The following TNFRSF19 variants were observed in gnomAD, a reference collection of about 807,000 sequenced individuals.
TNFRSF19 encodes the protein TNF receptor superfamily member 19.
Under a neutral mutation model 46.4 loss-of-function variants are expected in TNFRSF19, and 27 were observed. The observed-to-expected ratio is 0.58, with a 90% CI of 0.43 to 0.80. The LOEUF (loss-of-function observed/expected upper bound fraction) is 0.80. Among genes scored for constraint, TNFRSF19 ranks in the 30% least tolerant of loss-of-function variants. TNFRSF19 has a pLI of 0.00. For missense variants in TNFRSF19, 511 were observed against 530.8 expected (o/e 0.96, Z 0.37); for synonymous variants, 204 against 205.0 (o/e 1.00, Z 0.04).
In TNFRSF19 at chr13:23,626,706, G is replaced by A; in HGVS notation, c.360-1G>A. 1.2e-6 allele frequency: 2 copies of A among 1,614,008 alleles called. No homozygotes were observed. The highest frequency in any genetic ancestry group is 1.7e-6 in the Non-Finnish European group (2 of 1,179,920). On this transcript the variant is annotated splice_acceptor_variant, in intron 4 of 9. Transcript: ENST00000248484. LOFTEE classifies it high-confidence loss of function. ...AAGGAGTATTTTCCTTTCTCTTCTA[G>A]ATTTTATAGGAAGACGAAACTTGTC...
chr13:23,664,728 T>C (rs1000964784), intron 7 of TNFRSF19, among the ~76,000 whole-genome samples: 14 of 152,224 alleles, frequency 9.2e-5, no homozygotes, highest in Admixed American at 8.5e-4. Flanking sequence ...ATTGCTTCTA[T>C]GCAAACCTTG....
rs144401986 is a variant in TNFRSF19, at chr13:23,594,576, A to G, written c.180+1121A>G. Among the ~76,000 whole-genome samples the G allele has an allele frequency of 3.8e-3, 579 of 152,322 alleles. 6 individuals are homozygous for G. The highest frequency in any genetic ancestry group is 0.013 in the African/African-American group (546 of 41,584). On this transcript the variant is annotated intron_variant, in intron 3 of 9. Transcript: ENST00000248484. ...TAGATTCCTCCTCTCTGGGGAGGGC[A>G]TCCCTGAAAGAAAGGGAAAGAAAGG...
intron 3 of TNFRSF19, among the ~76,000 whole-genome samples, chr13:23,602,870 G>C (rs1207701064): frequency 2.6e-5 from 4 of 151,980 alleles, no homozygotes; most frequent in Admixed American, 6.6e-5. Context: ...CAGTGCTCAG[G>C]GGGTACTGAA....
At chr13:23,607,381 C>T (rs1470603454) in intron 3 of TNFRSF19, among the ~76,000 whole-genome samples, 7 of 151,622 alleles carry the variant, frequency 4.6e-5, no homozygotes, top group African/African-American at 1.5e-4. Context: ...TGTGGTGAGC[C>T]GAGATTGCAC....
chr13:23,673,485 C>A lies in TNFRSF19; in HGVS notation c.*105C>A. 2.1e-6 allele frequency: 3 copies of A among 1,414,256 alleles called. No individual in the cohort carries two copies. The highest frequency in any genetic ancestry group is 2.8e-6 in the Non-Finnish European group (3 of 1,072,536). 87.6% of individuals were successfully genotyped at this position (1,414,256 alleles called of 1,614,324 possible). A position where few individuals can be genotyped will look rare whatever the true frequency, so the allele number is the denominator to read the frequency against. On this transcript the variant is annotated 3_prime_UTR_variant, in exon 10 of 10. Transcript: ENST00000248484. The stretch of plus-strand genomic sequence containing the variant: ...TCTGGACCTTGCATGGCTTCTGGGG[C>A]AAAAATAAATCTGAACCAAACTGAC...
At chr13:23,642,085 T>C (rs541198666) in intron 5 of TNFRSF19, among the ~76,000 whole-genome samples, 2 of 152,292 alleles carry the variant, frequency 1.3e-5, no homozygotes, top group South Asian at 4.1e-4. Flanking sequence ...CCATCATAAG[T>C]TGAGGATTAT....
chr13:23,631,055 C>T (rs1347557055), intron 5 of TNFRSF19, among the ~76,000 whole-genome samples: 1 of 151,772 alleles, frequency 6.6e-6, no homozygotes, highest in Admixed American at 6.6e-5. Flanking sequence ...TAGAAGACAG[C>T]AAGCAGTTGT....
At chr13:23,668,553 A>G in intron 8 of TNFRSF19, 139 bp from the exon 9 acceptor site, 2 of 1,035,682 alleles carry the variant, frequency 1.9e-6, no homozygotes, top group Non-Finnish European at 2.7e-6. Flanking sequence ...ATGAGTTTAT[A>G]ACAATAGGAA....
At chr13:23,627,979 G>A (rs954717989) in intron 5 of TNFRSF19, among the ~76,000 whole-genome samples, 14 of 152,074 alleles carry the variant, frequency 9.2e-5, no homozygotes, top group South Asian at 6.2e-4. Flanking sequence ...TTTATAATAG[G>A]TAAACATTCA....
rs1018457781 is a variant in TNFRSF19, at chr13:23,676,078, T to C, written c.*2698T>C. 2.0e-5 allele frequency: 3 copies of C among 152,244 alleles called. No individual in the cohort carries two copies. The highest frequency in any genetic ancestry group is 4.8e-5 in the African/African-American group (2 of 41,462). The allele number at this position is 152,244 out of a possible 1,614,324, so 9.4% of individuals were successfully genotyped here. On this transcript the variant is annotated 3_prime_UTR_variant, in exon 10 of 10. Transcript: ENST00000248484. ...CCTTTTTTATTTGTGAATAAAATTA[T>C]CACCTGGTATTCTTATTTATGTGTT... is the stretch of plus-strand genomic sequence containing the variant.
chr13:23,594,199 C>G lies in TNFRSF19; in HGVS notation c.180+744C>G, dbSNP rs149960038. On this transcript the variant is annotated intron_variant, in intron 3 of 9. Transcript: ENST00000248484. ...GCTGTTTGGGCAGACACTGAGCTAG[C>G]TGCAGGAGTTTTTTTTTCATACCCT... The G allele has an allele frequency of 9.2e-4, 416 of 451,286 alleles. 1 individual carries two copies. The highest frequency in any genetic ancestry group is 7.9e-3 in the African/African-American group (396 of 50,008). The allele number at this position is 451,286 out of a possible 1,614,324, so 28.0% of individuals were successfully genotyped here.
In TNFRSF19 at chr13:23,668,994, C is replaced by T. The variant is rs369698575; in HGVS notation, c.1142C>T (p.Thr381Ile). The T allele has an allele frequency of 1.5e-4, 241 of 1,614,118 alleles. No individual in the cohort carries two copies. Among genetic ancestry groups the T allele is most frequent in the Middle Eastern group, 3.3e-4 (2 of 6,084 alleles). ...ACTGATTTATCTAGATATAACAACACACTGGTAGAATCAGCATCAACTCAG... is the reference window on the plus strand; with the variant it reads ...ACTGATTTATCTAGATATAACAACATACTGGTAGAATCAGCATCAACTCAG... ...AATDLSRYNNTLVESASTQDA... is the reference protein window; with the variant it reads ...AATDLSRYNNILVESASTQDA... Residue 381 changes from threonine (T) to isoleucine (I), a missense_variant, in exon 9 of 10, where the codon ACA (threonine) becomes ATA (isoleucine). Thr to Ile is a moderately conservative substitution (Grantham distance 89). Coordinates refer to ENST00000248484, the MANE Select transcript of TNFRSF19 (RefSeq NM_148957.4).
At chr13:23,636,509 G>A (rs1449967203) in intron 5 of TNFRSF19, among the ~76,000 whole-genome samples, 1 of 152,198 alleles carries the variant, frequency 6.6e-6, no homozygotes. Flanking sequence ...TATCACTGAT[G>A]AGGACACTGG....
chr13:23,615,523 C>T (rs1460166429), intron 3 of TNFRSF19, among the ~76,000 whole-genome samples: 1 of 152,174 alleles, frequency 6.6e-6, no homozygotes, highest in African/African-American at 2.4e-5. Flanking sequence ...GTTTCCCTGG[C>T]GTTAGCTTCT....
chr13:23,649,218 C>T (rs1207712897), intron 5 of TNFRSF19, among the ~76,000 whole-genome samples: 1 of 152,094 alleles, frequency 6.6e-6, no homozygotes, highest in African/African-American at 2.4e-5. Context: ...TTTTCTTTTT[C>T]AGGAAGTATT....
At chr13:23,664,769 C>A (rs1382438811) in intron 7 of TNFRSF19, among the ~76,000 whole-genome samples, 3 of 152,182 alleles carry the variant, frequency 2.0e-5, no homozygotes, top group Admixed American at 6.5e-5. Context: ...ATGGGATAGC[C>A]TACTACAGAG....
At chr13:23,651,902 A>G (rs1883674446) in intron 5 of TNFRSF19, among the ~76,000 whole-genome samples, 1 of 148,780 alleles carries the variant, frequency 6.7e-6, no homozygotes, top group Non-Finnish European at 1.5e-5. Flanking sequence ...CTAAAAAAAA[A>G]AAAAAAAAAA....
At chr13:23,645,158 A>T (rs1045857314) in intron 5 of TNFRSF19, among the ~76,000 whole-genome samples, 3 of 152,226 alleles carry the variant, frequency 2.0e-5, no homozygotes, top group Non-Finnish European at 2.9e-5. Context: ...CAGAATGTAC[A>T]AACTTGCTTT....
intron 1 of TNFRSF19, among the ~76,000 whole-genome samples, chr13:23,580,466 A>G (rs555149449): frequency 3.3e-5 from 5 of 152,248 alleles, no homozygotes; most frequent in Non-Finnish European, 5.9e-5. Flanking sequence ...CATGCAAACG[A>G]TATTTCTTAG....
Sources: allele counts gnomAD v4.1 joint callset (sites outside exome capture counted in the v4.1 genomes callset), GRCh38; gene constraint gnomAD v4.1.1; transcripts MANE v1.5; gene names NCBI Gene and HGNC (gene_info 2026-07-23, HGNC 2026-07-21).